SLAMF6: variants seen among roughly 807,000 people sequenced by gnomAD.
SLAMF6 encodes the protein SLAM family member 6.
SLAMF6 carries 21 observed loss-of-function variants against 38.3 expected under a neutral mutation model. That is an observed-to-expected ratio of 0.55 (90% CI 0.39 to 0.79). The LOEUF (loss-of-function observed/expected upper bound fraction) is 0.79. Ranked by LOEUF, SLAMF6 falls within the 30% of genes least tolerant of loss-of-function variation. SLAMF6 has a pLI of 0.00. For missense variants in SLAMF6, 341 were observed against 385.3 expected, an observed-to-expected ratio of 0.89 and a Z score of 0.96; for synonymous variants, 152 against 146.3, an observed-to-expected ratio of 1.04 and a Z score of -0.28.
chr1:160,521,023 G>A (rs1468178965), intron 1 of SLAMF6, among the ~76,000 whole-genome samples: 2 of 152,110 alleles, frequency 1.3e-5, no homozygotes, highest in Non-Finnish European at 1.5e-5. Context: ...TCCGTCCAAA[G>A]CAGGTCCCCG....
intron 1 of SLAMF6, among the ~76,000 whole-genome samples, chr1:160,504,063 C>T (rs12067121): frequency 0.068 from 9,506 of 140,754 alleles, 823 homozygotes; most frequent in African/African-American, 0.19. Flanking sequence ...TTAAAAAAAG[C>T]CAAATACATA....
chr1:160,520,971 C>G (rs1033953736), intron 1 of SLAMF6, among the ~76,000 whole-genome samples: 1 of 152,156 alleles, frequency 6.6e-6, no homozygotes, highest in African/African-American at 2.4e-5. Context: ...CTTTAAATAT[C>G]AGATGAGATG....
At chr1:160,507,596 CA>C (rs1163823409) in intron 1 of SLAMF6, among the ~76,000 whole-genome samples, 1 of 152,076 alleles carries the variant, frequency 6.6e-6, no homozygotes, top group Non-Finnish European at 1.5e-5. Context: ...ACATTTTCCT[CA>C]AATGCACATA....
chr1:160,503,138 A>G (rs1291929007), intron 1 of SLAMF6, among the ~76,000 whole-genome samples: 1 of 152,196 alleles, frequency 6.6e-6, no homozygotes, highest in Admixed American at 6.5e-5. Context: ...AGATCTCAAA[A>G]GATTTAGAGG....
intron 6 of SLAMF6, among the ~76,000 whole-genome samples, chr1:160,488,084 C>T (rs1571278049): frequency 6.9e-6 from 1 of 145,910 alleles, no homozygotes; most frequent in East Asian, 2.0e-4. Context: ...GAGTGACACT[C>T]TGTCTCAAAA....
intron 1 of SLAMF6, among the ~76,000 whole-genome samples, chr1:160,498,183 ATT>A (rs1330997477): frequency 2.4e-4 from 36 of 152,074 alleles, no homozygotes; most frequent in African/African-American, 8.7e-4. Flanking sequence ...AATAATAGAC[ATT>A]CTGAAAGAAT....
chr1:160,503,566 G>C (rs12048891), intron 1 of SLAMF6, among the ~76,000 whole-genome samples: 3,891 of 152,152 alleles, frequency 0.026, 101 homozygotes, highest in East Asian at 0.11. Context: ...GCATCAAAGG[G>C]GAGAGGGATT....
At position 160,522,326 on chromosome 1, in the gene SLAMF6, C is replaced by T. The variant is rs114478198; in HGVS notation, c.49+818G>A. ...CATAACGTGTGTACAGCACCTGGCACAATACTTGAAATACAATAAGTGCTC... is the reference window on the plus strand; with the variant it reads ...CATAACGTGTGTACAGCACCTGGCATAATACTTGAAATACAATAAGTGCTC... On this transcript the variant is annotated intron_variant, in intron 1 of 7. Transcript: ENST00000368057. Among the ~76,000 whole-genome samples the T allele has an allele frequency of 5.0e-3, 762 of 152,292 alleles. 4 individuals are homozygous for T. The highest frequency in any genetic ancestry group is 0.017 in the African/African-American group (720 of 41,552).
chr1:160,502,307 C>T (rs746932545), intron 1 of SLAMF6, among the ~76,000 whole-genome samples: 24 of 152,194 alleles, frequency 1.6e-4, no homozygotes, highest in Non-Finnish European at 3.4e-4. Flanking sequence ...TTTGGGGACT[C>T]ATGGGAAGCT....
intron 2 of SLAMF6, among the ~76,000 whole-genome samples, chr1:160,492,710 T>A (rs1653367911): frequency 6.6e-6 from 1 of 152,206 alleles, no homozygotes; most frequent in Non-Finnish European, 1.5e-5. Flanking sequence ...CGTTTTTCTC[T>A]CCCAAACCTT....
chr1:160,510,363 T>C (rs951735193), intron 1 of SLAMF6, among the ~76,000 whole-genome samples: 2 of 152,002 alleles, frequency 1.3e-5, no homozygotes, highest in African/African-American at 4.8e-5. Context: ...ACAAACTGAA[T>C]CCAGCTCATA....
Position 160,517,906 on chromosome 1 carries a change from G to A in SLAMF6, c.49+5238C>T, listed in dbSNP as rs1184151604. Among the ~76,000 whole-genome samples, 3 of 151,784 alleles carry A rather than the reference G, an allele frequency of 2.0e-5. 1 individual carries two copies. The highest frequency in any genetic ancestry group is 2.0e-4 in the Admixed American group (3 of 15,226). ...TAAGAAAAATAGATAATGCATGCTGGGCTTAATACCTAGGTGATGCGTTGG... is the reference window on the plus strand; with the variant it reads ...TAAGAAAAATAGATAATGCATGCTGAGCTTAATACCTAGGTGATGCGTTGG... On this transcript the variant is annotated intron_variant, in intron 1 of 7. Coordinates refer to ENST00000368057, the MANE Select transcript of SLAMF6 (RefSeq NM_001184714.2).
chr1:160,508,949 A>G (rs539543865), intron 1 of SLAMF6, among the ~76,000 whole-genome samples: 1 of 152,362 alleles, frequency 6.6e-6, no homozygotes, highest in South Asian at 2.1e-4. Flanking sequence ...CAAAATCACA[A>G]TGAGATACCA....
At chr1:160,497,080 G>T (rs1653623725) in intron 1 of SLAMF6, among the ~76,000 whole-genome samples, 1 of 152,156 alleles carries the variant, frequency 6.6e-6, no homozygotes, top group Non-Finnish European at 1.5e-5. Flanking sequence ...CAGTGACTTT[G>T]TGCTGTCTTC....
At chr1:160,510,012 T>C (rs760647372) in intron 1 of SLAMF6, among the ~76,000 whole-genome samples, 3 of 151,812 alleles carry the variant, frequency 2.0e-5, no homozygotes, top group Non-Finnish European at 2.9e-5. Context: ...CTAGATGAAA[T>C]AGATTTCTGG....
chr1:160,502,579 C>G (rs1021198882), intron 1 of SLAMF6, among the ~76,000 whole-genome samples: 5 of 152,034 alleles, frequency 3.3e-5, no homozygotes, highest in Non-Finnish European at 7.4e-5. Context: ...TTAAGGGTTA[C>G]CTGATTAGTG....
chr1:160,500,495 G>T (rs1323530565), intron 1 of SLAMF6, among the ~76,000 whole-genome samples: 1 of 151,868 alleles, frequency 6.6e-6, no homozygotes, highest in Non-Finnish European at 1.5e-5. Flanking sequence ...AAACATTCCT[G>T]CTCAGAGAAT....
chr1:160,500,457 T>A (rs1453240438), intron 1 of SLAMF6, among the ~76,000 whole-genome samples: 2 of 152,162 alleles, frequency 1.3e-5, no homozygotes, highest in African/African-American at 4.8e-5. Context: ...TGCAGCTCAC[T>A]CTTTTGCCTC....
At chr1:160,514,455 A>G (rs1453544703) in intron 1 of SLAMF6, among the ~76,000 whole-genome samples, 1 of 152,216 alleles carries the variant, frequency 6.6e-6, no homozygotes, top group African/African-American at 2.4e-5. Context: ...TTCAGACAGA[A>G]AATTAACAAA....
Sources: allele counts gnomAD v4.1 joint callset (sites outside exome capture counted in the v4.1 genomes callset), GRCh38; gene constraint gnomAD v4.1.1; transcripts MANE v1.5; gene names NCBI Gene and HGNC (gene_info 2026-07-23, HGNC 2026-07-21).